Variants in BLTP3B observed in about 807,000 individuals in gnomAD.
The protein encoded by BLTP3B is bridge-like lipid transfer protein family member 3B, also known as UHRF1 (ICBP90) binding protein 1-like.
At chr12:100,053,945 C>T in the BLTP3B span, among the ~76,000 whole-genome samples, 2 of 152,010 alleles carry the variant, frequency 1.3e-5, no homozygotes, top group South Asian at 2.1e-4. Context: ...ATTAATGACC[C>T]TGACATAAAA....
the BLTP3B span, among the ~76,000 whole-genome samples, chr12:100,104,379 T>G: frequency 1.3e-5 from 2 of 151,850 alleles, no homozygotes; most frequent in Non-Finnish European, 2.9e-5. Context: ...AATTTTTGTA[T>G]TTTTAGTAGA....
the BLTP3B span, among the ~76,000 whole-genome samples, chr12:100,103,229 A>G: frequency 6.6e-6 from 1 of 152,150 alleles, no homozygotes; most frequent in African/African-American, 2.4e-5. Flanking sequence ...TACCCCAAAA[A>G]GCTTATCACA....
chr12:100,112,366 G>A, the BLTP3B span, among the ~76,000 whole-genome samples: 5 of 152,246 alleles, frequency 3.3e-5, no homozygotes, highest in East Asian at 9.7e-4. Flanking sequence ...AATTAGCCAG[G>A]CATAGTGGAA....
At chr12:100,057,871 C>A in the BLTP3B span, 1 of 1,281,348 alleles carries the variant, frequency 7.8e-7, no homozygotes, top group Non-Finnish European at 1.1e-6. Context: ...AACGTATAAG[C>A]TCAAAGTGTT....
At chr12:100,090,946 A>G in the BLTP3B span, among the ~76,000 whole-genome samples, 1 of 151,910 alleles carries the variant, frequency 6.6e-6, no homozygotes, top group African/African-American at 2.4e-5. Flanking sequence ...TTTTCTTAAT[A>G]CTATGGTAAA....
At chr12:100,127,874 C>T in the BLTP3B span, among the ~76,000 whole-genome samples, 2 of 151,970 alleles carry the variant, frequency 1.3e-5, no homozygotes, top group Non-Finnish European at 2.9e-5. Context: ...CTCAGCCAGG[C>T]ATGGGGTACA....
At chr12:100,075,261 C>T in the BLTP3B span, among the ~76,000 whole-genome samples, 15 of 152,204 alleles carry the variant, frequency 9.9e-5, no homozygotes, top group South Asian at 8.3e-4. Flanking sequence ...CCGCCCACCT[C>T]GGCCTCTCAA....
chr12:100,133,597 T>A, the BLTP3B span, among the ~76,000 whole-genome samples: 1 of 152,214 alleles, frequency 6.6e-6, no homozygotes, highest in African/African-American at 2.4e-5. Context: ...ACTTTACCAT[T>A]CAACACTATC....
At chr12:100,040,034 TTATTA>T in the BLTP3B span, among the ~76,000 whole-genome samples, 1 of 127,808 alleles carries the variant, frequency 7.8e-6, no homozygotes, top group South Asian at 2.4e-4. Flanking sequence ...ATTACATAAT[TTATTA>T]TGTTTTTATA....
chr12:100,110,925 T>A, the BLTP3B span, among the ~76,000 whole-genome samples: 1 of 152,148 alleles, frequency 6.6e-6, no homozygotes, highest in Admixed American at 6.5e-5. Flanking sequence ...TGACTATATA[T>A]CCTTAGTCTT....
chr12:100,114,077 TAATTC>T, the BLTP3B span, among the ~76,000 whole-genome samples: 1 of 152,224 alleles, frequency 6.6e-6, no homozygotes, highest in Non-Finnish European at 1.5e-5. Flanking sequence ...TTCAGCACTG[TAATTC>T]AATATTTAAT....
chr12:100,062,344 T>G, the BLTP3B span, among the ~76,000 whole-genome samples: 1 of 152,222 alleles, frequency 6.6e-6, no homozygotes, highest in Non-Finnish European at 1.5e-5. Flanking sequence ...ACTTTCACAA[T>G]GGTAAAACGA....
At chr12:100,048,066 T>G in the BLTP3B span, 2 of 1,613,132 alleles carry the variant, frequency 1.2e-6, no homozygotes, top group South Asian at 1.1e-5. Flanking sequence ...TGCTGAAGTT[T>G]TCTATGTGGC....
At chr12:100,092,328 T>C in the BLTP3B span, among the ~76,000 whole-genome samples, 3 of 152,190 alleles carry the variant, frequency 2.0e-5, no homozygotes, top group Non-Finnish European at 4.4e-5. Flanking sequence ...TGATAACTAC[T>C]ACCCAAGAAA....
the BLTP3B span, among the ~76,000 whole-genome samples, chr12:100,071,497 CAAAAAAA>C: frequency 6.4e-5 from 5 of 78,714 alleles, no homozygotes; most frequent in Non-Finnish European, 1.2e-4. Context: ...ACTATGTCTC[CAAAAAAA>C]AAAAAAAAAA....
the BLTP3B span, among the ~76,000 whole-genome samples, chr12:100,129,434 T>G: frequency 6.6e-6 from 1 of 152,186 alleles, no homozygotes; most frequent in African/African-American, 2.4e-5. Context: ...GTTAAAAATG[T>G]TTTTGAACAA....
the BLTP3B span, among the ~76,000 whole-genome samples, chr12:100,117,787 C>T: frequency 6.6e-6 from 1 of 152,160 alleles, no homozygotes; most frequent in South Asian, 2.1e-4. Context: ...AGGCATGAGC[C>T]ACCGCACCTG....
At chr12:100,046,199 C>T in the BLTP3B span, among the ~76,000 whole-genome samples, 1 of 152,116 alleles carries the variant, frequency 6.6e-6, no homozygotes, top group East Asian at 1.9e-4. Context: ...CTAGAATTAC[C>T]ATTTGACCCA....
the BLTP3B span, among the ~76,000 whole-genome samples, chr12:100,042,454 T>C: frequency 6.6e-6 from 1 of 152,276 alleles, no homozygotes; most frequent in South Asian, 2.1e-4. Flanking sequence ...TAGAATAGAA[T>C]TGAGAATCCA....
Sources: gnomAD v4.1 joint callset for allele counts (sites outside exome capture counted in the v4.1 genomes callset) on GRCh38, gnomAD v4.1.1 for gene constraint, MANE v1.5 for transcripts, NCBI Gene and HGNC (gene_info 2026-07-23, HGNC 2026-07-21) for gene names.